Variants in ADGRA3 observed in about 807,000 individuals in gnomAD.
ADGRA3 encodes G-protein coupled receptor 125.
In ADGRA3, 56 loss-of-function variants were observed where a neutral mutation model predicts 119.8. That is an observed-to-expected ratio of 0.47 (90% CI 0.38 to 0.58). ADGRA3 has a LOEUF of 0.58. Among genes scored for constraint, ADGRA3 ranks in the 20% least tolerant of loss-of-function variants. ADGRA3 has a pLI of 0.00. For synonymous variants in ADGRA3, 607 were observed against 623.8 expected (o/e 0.97, Z 0.40); for missense variants, 1,516 against 1,649.0 (o/e 0.92, Z 1.40).
In ADGRA3 at chr4:22,438,190, G is replaced by T; in HGVS notation, c.1085+66C>A. Reference sequence around the variant, plus strand: ...TTACTCAGGACAGGAAACCAATAATGTGTCTTAGACAACAGAAGGATCTGG... The same window carrying T: ...TTACTCAGGACAGGAAACCAATAATTTGTCTTAGACAACAGAAGGATCTGG... On this transcript the variant is annotated intron_variant, in intron 8 of 18. Transcript: ENST00000334304. 4.5e-6 allele frequency: 6 copies of T among 1,344,074 alleles called. 1 individual carries two copies. In the South Asian group the frequency reaches 8.0e-5, roughly 18 times the overall value. 83.3% of individuals were successfully genotyped at this position (1,344,074 alleles called of 1,614,324 possible). A position where few individuals can be genotyped will look rare whatever the true frequency, so the allele number is the denominator to read the frequency against.
At chr4:22,462,019 G>C (rs1486334913) in intron 2 of ADGRA3, among the ~76,000 whole-genome samples, 1 of 152,070 alleles carries the variant, frequency 6.6e-6, no homozygotes, top group Non-Finnish European at 1.5e-5. Flanking sequence ...TTTTGGTTTG[G>C]TCAATAAAAT....
chr4:22,442,826 T>C lies in ADGRA3; in HGVS notation c.744A>G (p.Pro248=), dbSNP rs757723632. Residue 248 remains proline (P), a synonymous_variant, in exon 7 of 19, where the codon CCA becomes CCG. Coordinates refer to ENST00000334304, the MANE Select transcript of ADGRA3 (RefSeq NM_145290.4). ...CTTCAAACACAACTTGGCGATGAGA[T>C]GGAGTCATGTAGAAAGACGGCAATT... ...PLELPSFYMT[P]SHRQVVFEGD... 3.1e-6 allele frequency: 5 copies of C among 1,613,354 alleles called. No individual in the cohort carries two copies. In the East Asian group the frequency reaches 8.9e-5, roughly 29 times the overall value.
intron 9 of ADGRA3, among the ~76,000 whole-genome samples, chr4:22,435,677 G>T (rs1425475094): frequency 6.6e-6 from 1 of 152,092 alleles, no homozygotes; most frequent in Non-Finnish European, 1.5e-5. Flanking sequence ...AGCTTGGAGT[G>T]AAATACAATA....
chr4:22,449,008 G>A (rs542520140), intron 4 of ADGRA3, among the ~76,000 whole-genome samples: 5 of 151,860 alleles, frequency 3.3e-5, no homozygotes, highest in East Asian at 2.0e-4. Context: ...AGTGGCTCAC[G>A]CCTATAATCT....
rs191924374 is a variant in ADGRA3, at chr4:22,496,808, A to T, written c.257+18720T>A. ...ACAACCAAAGAAACAATTAATACAC[A>T]TATATAAACAGAGTGTTGGGCTTCC... On this transcript the variant is annotated intron_variant, in intron 1 of 18. Transcript: ENST00000334304. Among the ~76,000 whole-genome samples, 19 of 152,308 alleles carry T rather than the reference A, an allele frequency of 1.2e-4. No homozygotes were observed. The East Asian group carries it at 2.7e-3, about 22-fold the overall frequency.
In ADGRA3 at chr4:22,418,488, G is replaced by C. The variant is rs764053117; in HGVS notation, c.1809+2398C>G. 6.6e-5 allele frequency among the ~76,000 whole-genome samples: 10 copies of C among 152,132 alleles called. No homozygotes were observed. In the East Asian group the frequency reaches 7.7e-4, roughly 12 times the overall value. ...GAAGGGAGGGGAGGAGTAGGGATTC[G>C]AGTAGGAGAATTAGCACAAGCCTGC... On this transcript the variant is annotated intron_variant, in intron 12 of 18. Coordinates refer to ENST00000334304, the MANE Select transcript of ADGRA3 (RefSeq NM_145290.4).
chr4:22,472,555 A>G (rs1296291743), intron 2 of ADGRA3, among the ~76,000 whole-genome samples: 3 of 152,232 alleles, frequency 2.0e-5, no homozygotes, highest in Non-Finnish European at 4.4e-5. Flanking sequence ...ATATATACAC[A>G]CAAACACACA....
intron 10 of ADGRA3, among the ~76,000 whole-genome samples, chr4:22,424,996 A>AGCTGGGAGGCAGACACT (rs1467971747): frequency 6.6e-6 from 1 of 151,876 alleles, no homozygotes; most frequent in Non-Finnish European, 1.5e-5. Context: ...AATCACTTGA[A>AGCTGGGAGGCAGACACT]GCTGGGAGGC....
Position 22,515,878 on chromosome 4 carries a change from C to A in ADGRA3, c.-94G>T. 1 of 862,184 alleles carries A rather than the reference C, an allele frequency of 1.2e-6. No individual in the cohort carries two copies. The highest frequency in any genetic ancestry group is 1.4e-6 in the Non-Finnish European group (1 of 719,006). The allele number at this position is 862,184 out of a possible 1,614,324, so 53.4% of individuals were successfully genotyped here. A position where few individuals can be genotyped will look rare whatever the true frequency, so the allele number is the denominator to read the frequency against. ...GGGCAGGAGCGCGGCGCGGGCCCAG[C>A]GGCGACCGGAGCCTTATGGCGGCCG... is the stretch of plus-strand genomic sequence containing the variant. On this transcript the variant is annotated 5_prime_UTR_variant, in exon 1 of 19. Transcript: ENST00000334304.
chr4:22,415,527 A>G (rs1291040724), intron 12 of ADGRA3, among the ~76,000 whole-genome samples: 3 of 152,162 alleles, frequency 2.0e-5, no homozygotes, highest in African/African-American at 7.2e-5. Flanking sequence ...ATTTCTCCTA[A>G]GTACATAATG....
At chr4:22,446,791 T>A (rs1577354046) in intron 5 of ADGRA3, among the ~76,000 whole-genome samples, 1 of 152,300 alleles carries the variant, frequency 6.6e-6, no homozygotes, top group East Asian at 1.9e-4. Flanking sequence ...ACATTATATT[T>A]AACTGTAATT....
intron 12 of ADGRA3, among the ~76,000 whole-genome samples, chr4:22,415,345 AT>A (rs1395156257): frequency 6.6e-6 from 1 of 152,180 alleles, no homozygotes; most frequent in Non-Finnish European, 1.5e-5. Flanking sequence ...CAATGTAAGT[AT>A]TTTAGATGTT....
At chr4:22,412,331 A>G (rs1256299499) in intron 14 of ADGRA3, among the ~76,000 whole-genome samples, 1 of 152,174 alleles carries the variant, frequency 6.6e-6, no homozygotes, top group African/African-American at 2.4e-5. Flanking sequence ...CTCAGACGTC[A>G]GATTCACTTA....
intron 2 of ADGRA3, among the ~76,000 whole-genome samples, chr4:22,470,632 G>A (rs779504332): frequency 6.6e-6 from 1 of 152,082 alleles, no homozygotes; most frequent in African/African-American, 2.4e-5. Context: ...CAAGTCGTCC[G>A]GTTATTCTGT....
At chr4:22,443,565 T>G (rs1021558378) in intron 6 of ADGRA3, among the ~76,000 whole-genome samples, 2 of 152,148 alleles carry the variant, frequency 1.3e-5, no homozygotes, top group African/African-American at 2.4e-5. Flanking sequence ...CCATTATTTA[T>G]GAAGCAAGAA....
intron 1 of ADGRA3, among the ~76,000 whole-genome samples, chr4:22,499,993 A>G (rs1718994915): frequency 6.6e-6 from 1 of 152,194 alleles, no homozygotes; most frequent in Admixed American, 6.5e-5. Flanking sequence ...CCCGAACCCA[A>G]AAATCTAAAA....
chr4:22,413,742 G>A lies in ADGRA3; in HGVS notation c.1882C>T (p.Pro628Ser), dbSNP rs1430526781. The A allele has an allele frequency of 2.5e-6, 4 of 1,613,774 alleles. No homozygotes were observed. Among genetic ancestry groups the A allele is most frequent in the Non-Finnish European group, 3.4e-6 (4 of 1,179,834 alleles). ...FSPKQKRELR[P>S]TDDSLYKLQL... ...AGCTTGTAAAGAGAGTCATCAGTTG[G>A]TCTGAGTTCTCTTTTTTGCTTTGGT... The change falls in exon 13 of 19, where the codon CCA becomes TCA. Residue 628 changes from proline (P) to serine (S), a missense_variant. Pro to Ser is a moderately conservative substitution (Grantham distance 74). Around this residue, in one of 2 missense-constraint regions of ADGRA3, gnomAD observed 1,088 missense variants for 1,107.1 expected, o/e 0.98. Coordinates refer to ENST00000334304, the MANE Select transcript of ADGRA3 (RefSeq NM_145290.4).
chr4:22,466,734 A>G (rs1283820830), intron 2 of ADGRA3, among the ~76,000 whole-genome samples: 1 of 151,960 alleles, frequency 6.6e-6, no homozygotes, highest in Non-Finnish European at 1.5e-5. Flanking sequence ...CTTGTGAACA[A>G]CAGCACTCTG....
chr4:22,415,999 G>A (rs1411316391), intron 12 of ADGRA3, among the ~76,000 whole-genome samples: 1 of 152,142 alleles, frequency 6.6e-6, no homozygotes, highest in Non-Finnish European at 1.5e-5. Context: ...GATATAGAGA[G>A]TGGCCTAGGG....
Sources: gnomAD v4.1 joint callset for allele counts (sites outside exome capture counted in the v4.1 genomes callset) on GRCh38, gnomAD v4.1.1 for gene constraint, gnomAD v4.1.1 regional missense constraint, MANE v1.5 for transcripts, NCBI Gene and HGNC (gene_info 2026-07-23, HGNC 2026-07-21) for gene names.